CCNJL: variants seen among roughly 807,000 people sequenced by gnomAD.
CCNJL encodes the protein cyclin-J-like protein.
In CCNJL, 33 loss-of-function variants were observed where a neutral mutation model predicts 33.4. The observed-to-expected ratio is 0.99, with a 90% CI of 0.75 to 1.32. CCNJL has a LOEUF of 1.32. CCNJL is among the 40% of genes most tolerant of loss of function. The pLI, the probability that CCNJL is intolerant of heterozygous loss-of-function variation, is 0.00. For missense variants in CCNJL, 512 were observed against 499.7 expected (o/e 1.02, Z -0.23); for synonymous variants, 227 against 220.9 (o/e 1.03, Z -0.24).
upstream of CCNJL, among the ~76,000 whole-genome samples, chr5:160,313,541 C>A (rs1763337396): frequency 6.6e-6 from 1 of 151,926 alleles, no homozygotes; most frequent in Non-Finnish European, 1.5e-5. Context: ...AAAGACACAC[C>A]TGGGAAAAAA....
chr5:160,275,049 C>T (rs76900132), intron 3 of CCNJL, among the ~76,000 whole-genome samples: 16,749 of 150,720 alleles, frequency 0.11, 1,310 homozygotes, highest in South Asian at 0.24. Context: ...ATTTTCCCAG[C>T]TATGAAAACA....
At chr5:160,255,929 C>T (rs1005457741) in intron 4 of CCNJL, among the ~76,000 whole-genome samples, 3 of 152,178 alleles carry the variant, frequency 2.0e-5, no homozygotes, top group African/African-American at 7.2e-5. Context: ...CGCTCTGTTG[C>T]CCAGGCTGGA....
intron 1 of CCNJL, among the ~76,000 whole-genome samples, chr5:160,338,557 T>G (rs4921276): frequency 0.49 from 73,819 of 151,988 alleles, 18,156 homozygotes; most frequent in Middle Eastern, 0.55. Context: ...TTCACAGAAT[T>G]AAGAAAGAGA....
chr5:160,331,263 G>A (rs1433486152), intron 1 of CCNJL, among the ~76,000 whole-genome samples: 6 of 135,084 alleles, frequency 4.4e-5, no homozygotes, highest in East Asian at 4.3e-4. Flanking sequence ...TTGCTCTGTC[G>A]CCCAGGCTGG....
In CCNJL at chr5:160,253,813, C is replaced by A; in HGVS notation, c.744-15G>T. On this transcript the variant is annotated splice_polypyrimidine_tract_variant and intron_variant, in intron 5 of 5. Transcript: ENST00000257536. ...TGTCATACACTCTGAAACGAGAAGA[C>A]CTGGGTGAGAACTGGAGGCCAAAAG... The A allele has an allele frequency of 6.7e-7, 1 of 1,494,810 alleles. No homozygotes were observed. The allele number at this position is 1,494,810 out of a possible 1,614,324, so 92.6% of individuals were successfully genotyped here.
At chr5:160,303,288 C>T (rs111483065) in intron 2 of CCNJL, among the ~76,000 whole-genome samples, 2 of 152,128 alleles carry the variant, frequency 1.3e-5, no homozygotes, top group African/African-American at 4.8e-5. Flanking sequence ...TCACTGCAAC[C>T]TCCGTCTCCC....
chr5:160,272,562 G>A (rs893991247), intron 3 of CCNJL, among the ~76,000 whole-genome samples: 1 of 152,184 alleles, frequency 6.6e-6, no homozygotes, highest in Non-Finnish European at 1.5e-5. Context: ...CGGGTGAGGG[G>A]CCGGGATGGA....
chr5:160,281,046 G>C, intron 2 of CCNJL: 1 of 428,340 alleles, frequency 2.3e-6, no homozygotes, highest in South Asian at 2.1e-5. Flanking sequence ...ATTGGGGTCA[G>C]AGGTCTAAGT....
intron 2 of CCNJL, among the ~76,000 whole-genome samples, chr5:160,288,645 C>T (rs1311157906): frequency 2.6e-5 from 4 of 151,570 alleles, no homozygotes; most frequent in Non-Finnish European, 4.4e-5. Flanking sequence ...CTGAGGCGGG[C>T]GGATCACGAG....
At chr5:160,291,036 TAAAAAAAAAA>T (rs1177369719) in intron 2 of CCNJL, among the ~76,000 whole-genome samples, 37 of 57,540 alleles carry the variant, frequency 6.4e-4, no homozygotes, top group African/African-American at 2.8e-3. Context: ...CGTCTTTACT[TAAAAAAAAAA>T]AAAAAAAAAA....
intron 2 of CCNJL, among the ~76,000 whole-genome samples, chr5:160,287,144 A>G (rs1459823773): frequency 6.6e-6 from 1 of 152,122 alleles, no homozygotes; most frequent in Admixed American, 6.5e-5. Flanking sequence ...ACTGACCCTC[A>G]GTGTCCCTAT....
At chr5:160,282,966 A>AATATATATATATATAT (rs70990720) in intron 2 of CCNJL, among the ~76,000 whole-genome samples, 59 of 43,364 alleles carry the variant, frequency 1.4e-3, no homozygotes, top group Admixed American at 3.3e-3. Flanking sequence ...CAGTCCTTGG[A>AATATATATATATATAT]ATATATATAT....
intron 1 of CCNJL, among the ~76,000 whole-genome samples, chr5:160,333,904 A>T (rs1763643499): frequency 6.6e-6 from 1 of 152,148 alleles, no homozygotes; most frequent in African/African-American, 2.4e-5. Context: ...ACATTGCTTC[A>T]TCAGAATTCT....
chr5:160,309,103 G>A (rs369906575), intron 2 of CCNJL, among the ~76,000 whole-genome samples: 3 of 152,206 alleles, frequency 2.0e-5, no homozygotes, highest in East Asian at 3.8e-4. Context: ...GGTAAGGACT[G>A]GGAATTTTAA....
intron 3 of CCNJL, among the ~76,000 whole-genome samples, chr5:160,275,018 T>C (rs1761961304): frequency 6.6e-6 from 1 of 151,818 alleles, no homozygotes; most frequent in South Asian, 2.1e-4. Flanking sequence ...TGATTCATTT[T>C]CCCCCCATAA....
At chr5:160,306,829 T>C (rs1047417938) in intron 2 of CCNJL, among the ~76,000 whole-genome samples, 2 of 152,236 alleles carry the variant, frequency 1.3e-5, no homozygotes, top group African/African-American at 4.8e-5. Flanking sequence ...TACATTTCTG[T>C]TATCTGGGCG....
At chr5:160,316,998 T>C (rs1308207491), upstream of CCNJL, among the ~76,000 whole-genome samples, 1 of 152,238 alleles carries the variant, frequency 6.6e-6, no homozygotes, top group East Asian at 1.9e-4. Flanking sequence ...CTTTGAATAG[T>C]GTTTCCTCAT....
intron 2 of CCNJL, among the ~76,000 whole-genome samples, chr5:160,288,754 C>A (rs888651699): frequency 6.7e-6 from 1 of 148,614 alleles, no homozygotes; most frequent in Non-Finnish European, 1.5e-5. Context: ...GGCATGAACC[C>A]GGGGGGGCGG....
intron 3 of CCNJL, among the ~76,000 whole-genome samples, chr5:160,266,440 T>A (rs902695640): frequency 2.0e-5 from 3 of 152,238 alleles, no homozygotes; most frequent in African/African-American, 7.2e-5. Flanking sequence ...GGAGCCGGTG[T>A]GACCAGGGAC....
Sources: allele counts gnomAD v4.1 joint callset (sites outside exome capture counted in the v4.1 genomes callset), GRCh38; gene constraint gnomAD v4.1.1; transcripts MANE v1.5; gene names NCBI Gene and HGNC (gene_info 2026-07-23, HGNC 2026-07-21).